PDS5A: variants seen among roughly 807,000 people sequenced by gnomAD.
PDS5A encodes the protein PDS5 cohesin associated factor A, also known as sister chromatid cohesion protein PDS5 homolog A.
In PDS5A, 42 loss-of-function variants were observed where a neutral mutation model predicts 167.1. The ratio of observed to expected loss-of-function variants is 0.25; its 90% confidence interval spans 0.20 to 0.33. The LOEUF (loss-of-function observed/expected upper bound fraction) is 0.33, where lower values mean the gene tolerates loss of function less well. Ranked by LOEUF, PDS5A falls within the 10% of genes least tolerant of loss-of-function variation. The probability of loss-of-function intolerance (pLI) is 1.00; values close to 1 mark genes in which losing one functional copy is unlikely to be tolerated. For synonymous variants in PDS5A, 553 were observed against 554.6 expected (o/e 1.00, Z 0.04); for missense variants, 1,033 against 1,605.9 (o/e 0.64, Z 6.10).
chr4:39,844,707 C>T lies in PDS5A; in HGVS notation c.3497G>A (p.Ser1166Asn), dbSNP rs1717426256. The change falls in exon 30 of 33, where the codon AGC (serine) becomes AAC (asparagine). Residue 1166 changes from serine (S) to asparagine (N), a missense_variant. This residue lies in a region of PDS5A where 233 missense variants were observed against 264.0 expected (regional missense o/e 0.88). Coordinates refer to ENST00000303538, the MANE Select transcript of PDS5A (RefSeq NM_001100399.2). ...YVRSTGTETG[S>N]NINVNSELNP... ...CAGCTCTGAATTTACATTAATATTG[C>T]TTCCAGTCTCAGTGCCAGTGCTTCT... 5.6e-6 allele frequency: 9 copies of T among 1,613,460 alleles called. No homozygotes were observed. In the South Asian group the frequency reaches 7.7e-5, roughly 14 times the overall value.
intron 11 of PDS5A, among the ~76,000 whole-genome samples, chr4:39,906,608 TAA>T (rs760264029): frequency 2.1e-5 from 3 of 139,814 alleles, no homozygotes; most frequent in Non-Finnish European, 1.6e-5. Flanking sequence ...ATCTGTGTAT[TAA>T]AAAAAAAAAA....
At chr4:39,972,133 A>G (rs1434184579) in intron 2 of PDS5A, among the ~76,000 whole-genome samples, 1 of 152,198 alleles carries the variant, frequency 6.6e-6, no homozygotes, top group East Asian at 1.9e-4. Flanking sequence ...TTGTATGTCC[A>G]TTTATAGTTA....
rs475223 is a variant in PDS5A at position 39,977,148 on chromosome 4, A to G, written c.-41+309T>C. On this transcript the variant is annotated intron_variant, in intron 1 of 32. Coordinates refer to ENST00000303538, the MANE Select transcript of PDS5A (RefSeq NM_001100399.2). This position sits in a 1 kb window ranked among gnomAD's most constrained non-coding sequence, Gnocchi z 4.2. ...CCGGGGTAGTCCCCGCCGCGCTGCCACCCCTCCCCTGTTCCGCTCCCTCAC... is the reference window on the plus strand; with the variant it reads ...CCGGGGTAGTCCCCGCCGCGCTGCCGCCCCTCCCCTGTTCCGCTCCCTCAC... Among the ~76,000 whole-genome samples, 105,807 of 151,356 alleles carry G rather than the reference A, an allele frequency of 0.7. 38,480 individuals are homozygous for G. Among genetic ancestry groups the G allele is most frequent in the Middle Eastern group, 0.86 (250 of 292 alleles).
intron 16 of PDS5A, among the ~76,000 whole-genome samples, chr4:39,897,244 A>T (rs1722493871): frequency 6.6e-6 from 1 of 151,926 alleles, no homozygotes; most frequent in African/African-American, 2.4e-5. Context: ...TAATACAAAA[A>T]ATTAGCCAGA....
chr4:39,841,023 A>T (rs1416039692), intron 31 of PDS5A, among the ~76,000 whole-genome samples: 1 of 136,134 alleles, frequency 7.3e-6, no homozygotes, highest in Non-Finnish European at 1.7e-5. Flanking sequence ...CCCAAAGTGC[A>T]CGATTACAGG....
chr4:39,946,776 C>T (rs1378951972), intron 2 of PDS5A, among the ~76,000 whole-genome samples: 1 of 151,488 alleles, frequency 6.6e-6, no homozygotes, highest in Non-Finnish European at 1.5e-5. Context: ...ATCAGTCAGG[C>T]GTGGCGGGCA....
intron 17 of PDS5A, among the ~76,000 whole-genome samples, chr4:39,885,628 A>C (rs1020303166): frequency 9.9e-5 from 15 of 151,878 alleles, no homozygotes; most frequent in Non-Finnish European, 7.4e-5. Context: ...ATCTTAATAA[A>C]AAAGGGCTGC....
At chr4:39,885,401 A>C (rs913293500) in intron 17 of PDS5A, among the ~76,000 whole-genome samples, 1 of 151,914 alleles carries the variant, frequency 6.6e-6, no homozygotes, top group African/African-American at 2.4e-5. Flanking sequence ...GGAGCTCGAG[A>C]CCAGCCTGGG....
chr4:39,931,543 T>C (rs1478363745), intron 2 of PDS5A, among the ~76,000 whole-genome samples: 1 of 152,140 alleles, frequency 6.6e-6, no homozygotes, highest in Non-Finnish European at 1.5e-5. Flanking sequence ...CGGTTCTAAG[T>C]TGACACTTGC....
chr4:39,915,416 G>A (rs1285408372), intron 8 of PDS5A, among the ~76,000 whole-genome samples: 1 of 142,400 alleles, frequency 7.0e-6, no homozygotes, highest in Non-Finnish European at 1.5e-5. Flanking sequence ...CTGGAGTACA[G>A]TGGAGCAACC....
chr4:39,929,519 C>CTCTATATA (rs1346928018), intron 2 of PDS5A, among the ~76,000 whole-genome samples: 938 of 79,326 alleles, frequency 0.012, 18 homozygotes, highest in Non-Finnish European at 0.016. Flanking sequence ...ACTTAATAAA[C>CTCTATATA]TATATATATA....
At chr4:39,888,034 G>A (rs1046991309) in intron 17 of PDS5A, among the ~76,000 whole-genome samples, 1 of 152,084 alleles carries the variant, frequency 6.6e-6, no homozygotes. Flanking sequence ...GGCAGATCAC[G>A]AGGTCAAGAG....
chr4:39,828,104 T>C (rs1715480258), intron 32 of PDS5A, among the ~76,000 whole-genome samples: 1 of 152,180 alleles, frequency 6.6e-6, no homozygotes, highest in African/African-American at 2.4e-5. Context: ...ACACTGCAAA[T>C]GGCTGATTTT....
Position 39,976,516 on chromosome 4 carries a change from C to A in PDS5A, c.62G>T (p.Gly21Val). The change falls in exon 2 of 33, where the codon GGG becomes GTG. Residue 21 changes from glycine to valine, a missense_variant. Gly to Val is a moderately radical substitution (Grantham distance 109). Around this residue, in one of 4 missense-constraint regions of PDS5A, gnomAD observed 388 missense variants for 615.1 expected, o/e 0.63. Coordinates refer to ENST00000303538, the MANE Select transcript of PDS5A (RefSeq NM_001100399.2). ...TACCCCCGGAGGGTAAGCGATCTTC[C>A]CGTCGGCACTCACGACGCCACAGAG... ...TALCGVVSAD[G>V]KIAYPPGVKE... 6.2e-7 allele frequency: 1 copy of A among 1,613,492 alleles called. No homozygotes were observed. The highest frequency in any genetic ancestry group is 8.5e-7 in the Non-Finnish European group (1 of 1,179,478).
intron 17 of PDS5A, among the ~76,000 whole-genome samples, chr4:39,886,318 T>G (rs1214610609): frequency 1.3e-5 from 2 of 152,204 alleles, no homozygotes; most frequent in African/African-American, 4.8e-5. Context: ...TCCATGTAAA[T>G]GTTAGGATTG....
In PDS5A at chr4:39,829,068, T is replaced by C. The variant is rs1715576585; in HGVS notation, c.4011-3580A>G. On this transcript the variant is annotated intron_variant, in intron 32 of 32. Transcript: ENST00000303538. ...CAAGGCCCCTAAGGAGAGCTGATTC[T>C]ATCACCCTGTAGCTCAGCGGTGTGT... Among the ~76,000 whole-genome samples, 3 of 152,340 alleles carry C rather than the reference T, an allele frequency of 2.0e-5. 1 individual carries two copies. The highest frequency in any genetic ancestry group is 2.0e-4 in the Admixed American group (3 of 15,302).
At chr4:39,969,725 CAAAAATAA>C (rs1156281080) in intron 2 of PDS5A, among the ~76,000 whole-genome samples, 1 of 151,888 alleles carries the variant, frequency 6.6e-6, no homozygotes, top group Non-Finnish European at 1.5e-5. Flanking sequence ...CCTTTACTTT[CAAAAATAA>C]AAATATTTCT....
At chr4:39,879,868 T>C (rs749603664) in intron 17 of PDS5A, 35 bp from the exon 18 acceptor site, 1 of 1,160,956 alleles carries the variant, frequency 8.6e-7, no homozygotes, top group South Asian at 1.2e-5. Context: ...CAGTAACCAC[T>C]GTAGTAGTAA....
chr4:39,933,440 A>T (rs1346053759), intron 2 of PDS5A: 1 of 152,132 alleles, frequency 6.6e-6, no homozygotes, highest in Non-Finnish European at 1.5e-5. Context: ...ACCTCTAGAA[A>T]AATAAAATAA....
Sources: allele counts gnomAD v4.1 joint callset (sites outside exome capture counted in the v4.1 genomes callset), GRCh38; gene constraint gnomAD v4.1.1; regional missense constraint gnomAD v4.1.1; non-coding constraint Gnocchi (gnomAD v3.1); transcripts MANE v1.5; gene names NCBI Gene and HGNC (gene_info 2026-07-23, HGNC 2026-07-21).